Variants in EPB41L4A observed in about 807,000 individuals in gnomAD.
EPB41L4A encodes erythrocyte membrane protein band 4.1 like 4A.
Under a neutral mutation model 108.6 loss-of-function variants are expected in EPB41L4A, and 100 were observed. The observed-to-expected ratio is 0.92, with a 90% CI of 0.78 to 1.09. The LOEUF is 1.09. Ranked by LOEUF, EPB41L4A falls within the 50% of genes least tolerant of loss-of-function variation. The probability of loss-of-function intolerance (pLI) is 0.00; values close to 1 mark genes in which losing one functional copy is unlikely to be tolerated. For missense variants in EPB41L4A, 1,030 were observed against 842.7 expected, an observed-to-expected ratio of 1.22 and a Z score of -2.75; for synonymous variants, 319 against 289.0, an observed-to-expected ratio of 1.10 and a Z score of -1.05.
chr5:112,147,976 C>G (rs1465092414), intron 12 of EPB41L4A, among the ~76,000 whole-genome samples: 1 of 151,572 alleles, frequency 6.6e-6, no homozygotes, highest in African/African-American at 2.4e-5. Flanking sequence ...GAGGTGGAGG[C>G]TGCAGTGAGC....
At chr5:112,309,620 T>C (rs962321417) in intron 1 of EPB41L4A, among the ~76,000 whole-genome samples, 1 of 152,160 alleles carries the variant, frequency 6.6e-6, no homozygotes, top group East Asian at 1.9e-4. Context: ...CCCCCAAAGA[T>C]GTCCTGCCCT....
At position 112,288,537 on chromosome 5, in the gene EPB41L4A, C is replaced by G. The variant is rs146987366; in HGVS notation, c.205-8214G>C. Among the ~76,000 whole-genome samples the G allele has an allele frequency of 3.3e-5, 5 of 152,310 alleles. No homozygotes were observed. The East Asian group carries it at 9.6e-4, about 29-fold the overall frequency. On this transcript the variant is annotated intron_variant, in intron 2 of 22. Transcript: ENST00000261486. ...GGCCAATCGTCATAGTGAACAACTC[C>G]TAGGCAATAGGACCAAGTCCTAATC...
At chr5:112,408,492 T>C (rs1387031427) in intron 1 of EPB41L4A, among the ~76,000 whole-genome samples, 1 of 151,832 alleles carries the variant, frequency 6.6e-6, no homozygotes, top group East Asian at 1.9e-4. Context: ...TAAATTCTTA[T>C]ACTCAAAAAG....
chr5:112,200,548 A>G (rs1762170411), intron 15 of EPB41L4A, among the ~76,000 whole-genome samples: 1 of 152,346 alleles, frequency 6.6e-6, no homozygotes, highest in East Asian at 1.9e-4. Context: ...CTCCCAAAGG[A>G]CAACAACTTT....
At chr5:112,255,556 T>C (rs2150423152) in intron 9 of EPB41L4A, among the ~76,000 whole-genome samples, 1 of 152,268 alleles carries the variant, frequency 6.6e-6, no homozygotes, top group Non-Finnish European at 1.5e-5. Context: ...ATCAGCATCA[T>C]CTGACACATG....
chr5:112,417,694 C>G (rs1762793545), intron 1 of EPB41L4A, among the ~76,000 whole-genome samples: 2 of 152,078 alleles, frequency 1.3e-5, no homozygotes, highest in South Asian at 4.1e-4. Context: ...GAATGAGAAT[C>G]GAACTGAATT....
intron 15 of EPB41L4A, among the ~76,000 whole-genome samples, chr5:112,202,103 C>T (rs1161956376): frequency 6.6e-6 from 1 of 152,194 alleles, no homozygotes; most frequent in Non-Finnish European, 1.5e-5. Flanking sequence ...AGGCAGAGAA[C>T]AGGAAAAGTT....
chr5:112,229,971 G>A (rs1370850054), intron 12 of EPB41L4A, among the ~76,000 whole-genome samples: 1 of 144,826 alleles, frequency 6.9e-6, no homozygotes, highest in Admixed American at 7.0e-5. Context: ...CTGGGAGGCA[G>A]AGCTAGACTC....
intron 2 of EPB41L4A, among the ~76,000 whole-genome samples, chr5:112,288,410 G>A (rs187307471): frequency 1.1e-3 from 166 of 152,212 alleles, no homozygotes; most frequent in Non-Finnish European, 2.1e-3. Flanking sequence ...TCTTCCTTAG[G>A]CAAAATCCAG....
intron 1 of EPB41L4A, among the ~76,000 whole-genome samples, chr5:112,341,056 C>G (rs532236862): frequency 6.6e-6 from 1 of 152,270 alleles, no homozygotes; most frequent in South Asian, 2.1e-4. Context: ...ATCCTCCCCA[C>G]ACGCCATCTC....
chr5:112,288,420 G>A (rs1753422913), intron 2 of EPB41L4A, among the ~76,000 whole-genome samples: 1 of 152,104 alleles, frequency 6.6e-6, no homozygotes, highest in East Asian at 1.9e-4. Context: ...GCAAAATCCA[G>A]GCCGAGAACA....
chr5:112,226,040 C>T (rs1011381076), intron 12 of EPB41L4A, among the ~76,000 whole-genome samples: 2 of 152,184 alleles, frequency 1.3e-5, no homozygotes, highest in African/African-American at 4.8e-5. Context: ...TGGTGGGCTC[C>T]TCATGGGGCC....
In EPB41L4A at chr5:112,194,976, T is replaced by C. The variant is rs140911107; in HGVS notation, c.1425-331A>G. On this transcript the variant is annotated intron_variant, in intron 16 of 22. Coordinates refer to ENST00000261486, the MANE Select transcript of EPB41L4A (RefSeq NM_022140.5). ...CCGTAAGTCGGTGGTGGACTAAATA[T>C]GGACACAAAATCTTGTAACCCTCCC... Among the ~76,000 whole-genome samples, 6 of 152,312 alleles carry C rather than the reference T, an allele frequency of 3.9e-5. No homozygotes were observed. The East Asian group carries it at 1.2e-3, about 29-fold the overall frequency.
At chr5:112,179,120 A>G (rs1054194196) in intron 18 of EPB41L4A, among the ~76,000 whole-genome samples, 6 of 152,108 alleles carry the variant, frequency 3.9e-5, no homozygotes, top group African/African-American at 1.4e-4. Context: ...AAATGAAATT[A>G]TTTTAAAAGT....
At chr5:112,268,820 G>C (rs1752051405) in intron 4 of EPB41L4A, among the ~76,000 whole-genome samples, 1 of 97,530 alleles carries the variant, frequency 1.0e-5, no homozygotes. Context: ...TCCAGCCTGG[G>C]CAACAGAATA....
intron 18 of EPB41L4A, among the ~76,000 whole-genome samples, chr5:112,174,143 C>T (rs1258101492): frequency 1.3e-5 from 2 of 152,204 alleles, no homozygotes; most frequent in East Asian, 1.9e-4. Flanking sequence ...TTAAAAAATG[C>T]TAATTTCCTC....
At chr5:112,204,552 C>T in intron 14 of EPB41L4A, 64 bp from the exon 15 acceptor site, 1 of 1,039,864 alleles carries the variant, frequency 9.6e-7, no homozygotes, top group Non-Finnish European at 1.5e-6. Flanking sequence ...CACACCGCAG[C>T]CCAGACCTAT....
intron 9 of EPB41L4A, among the ~76,000 whole-genome samples, chr5:112,247,567 C>A (rs1750337540): frequency 6.6e-6 from 1 of 152,016 alleles, no homozygotes; most frequent in Non-Finnish European, 1.5e-5. Context: ...GCAAAATCAT[C>A]CAAAATGAGG....
rs188791256 is a variant in EPB41L4A, at chr5:112,167,481, G to A, written c.1932+1258C>T. Among the ~76,000 whole-genome samples, 14 of 152,178 alleles carry A rather than the reference G, an allele frequency of 9.2e-5. No individual in the cohort carries two copies. In the East Asian group the frequency reaches 2.3e-3, roughly 25 times the overall value. ...CTGAGGCATTCATTCTCTAGCTGCT[G>A]GGAGTGTTGCCTGCCGTGTAGCTCA... On this transcript the variant is annotated intron_variant, in intron 22 of 22. Transcript: ENST00000261486.
Sources: allele counts gnomAD v4.1 joint callset (sites outside exome capture counted in the v4.1 genomes callset), GRCh38; gene constraint gnomAD v4.1.1; transcripts MANE v1.5; gene names NCBI Gene and HGNC (gene_info 2026-07-23, HGNC 2026-07-21).